The following NEXMIF variants were observed in gnomAD, a reference collection of about 807,000 sequenced individuals.
The protein encoded by NEXMIF is neurite extension and migration factor, also known as XLMR protein related to neurite extension.
In NEXMIF, 8 loss-of-function variants were observed where a neutral mutation model predicts 62.1. The ratio of observed to expected loss-of-function variants is 0.13; its 90% CI spans 0.08 to 0.23. NEXMIF has a LOEUF of 0.23. NEXMIF is among the 10% of genes least tolerant of loss of function. The pLI, the probability that NEXMIF is intolerant of heterozygous loss-of-function variation, is 1.00. For missense variants in NEXMIF, 976 were observed against 1,113.3 expected (o/e 0.88, Z 1.75); for synonymous variants, 404 against 416.6 (o/e 0.97, Z 0.37).
intron 1 of NEXMIF, among the ~76,000 whole-genome samples, chrX:74,789,067 A>T (rs2080269528): frequency 9.3e-6 from 1 of 107,312 alleles, no homozygotes; most frequent in Non-Finnish European, 1.9e-5. Flanking sequence ...ATGCTGGTGC[A>T]CTGCACCCAC....
chrX:74,884,756 G>A (rs1247219657), intron 1 of NEXMIF, among the ~76,000 whole-genome samples: 2 of 111,380 alleles, frequency 1.8e-5, no homozygotes, highest in Non-Finnish European at 3.8e-5. Flanking sequence ...GAGTTAACAA[G>A]GATATCCAGG....
intron 1 of NEXMIF, among the ~76,000 whole-genome samples, chrX:74,794,405 T>G (rs1352457305): frequency 1.8e-5 from 2 of 108,578 alleles, no homozygotes; most frequent in Admixed American, 9.8e-5. Context: ...CATTTAAGTC[T>G]GCAGAGGTTA....
intron 1 of NEXMIF, among the ~76,000 whole-genome samples, chrX:74,880,561 A>G (rs1228113238): frequency 8.9e-6 from 1 of 112,160 alleles, no homozygotes; most frequent in African/African-American, 3.2e-5. Context: ...TAGGGCCACA[A>G]TGAATGCAAG....
At chrX:74,853,145 G>A (rs1486906405) in intron 1 of NEXMIF, among the ~76,000 whole-genome samples, 4 of 110,076 alleles carry the variant, frequency 3.6e-5, no homozygotes, top group Admixed American at 9.7e-5. Flanking sequence ...ATTTAGGAGC[G>A]GAAAGTTTAA....
intron 1 of NEXMIF, among the ~76,000 whole-genome samples, chrX:74,860,782 G>A (rs1462565290): frequency 9.0e-6 from 1 of 111,506 alleles, no homozygotes; most frequent in African/African-American, 3.2e-5. Flanking sequence ...AGCTATAAGT[G>A]TGTACATCAA....
At chrX:74,829,849 CT>C (rs2080430217) in intron 1 of NEXMIF, among the ~76,000 whole-genome samples, 1 of 111,637 alleles carries the variant, frequency 9.0e-6, no homozygotes, top group Non-Finnish European at 1.9e-5. Context: ...TATATTTCTT[CT>C]TTTTGGAAAT....
At chrX:74,910,280 C>T (rs1168772267) in intron 1 of NEXMIF, among the ~76,000 whole-genome samples, 2 of 112,551 alleles carry the variant, frequency 1.8e-5, no homozygotes, top group African/African-American at 6.5e-5. Context: ...TGGGAACCTA[C>T]CTCTTGCATC....
chrX:74,835,223 A>C (rs1300236945), intron 1 of NEXMIF, among the ~76,000 whole-genome samples: 1 of 111,426 alleles, frequency 9.0e-6, no homozygotes, highest in Non-Finnish European at 1.9e-5. Context: ...GTTACCTTGA[A>C]TTTCTTTAAG....
At chrX:74,813,631 GC>G (rs1307264174) in intron 1 of NEXMIF, among the ~76,000 whole-genome samples, 1 of 112,268 alleles carries the variant, frequency 8.9e-6, no homozygotes, top group Non-Finnish European at 1.9e-5. Context: ...TGAGCTAGTA[GC>G]TACAACAGAA....
intron 1 of NEXMIF, among the ~76,000 whole-genome samples, chrX:74,756,908 G>T (rs2080161113): frequency 9.0e-6 from 1 of 111,657 alleles, no homozygotes; most frequent in Admixed American, 9.6e-5. Context: ...AGCTCTGCAG[G>T]ACTCCTCCCA....
At chrX:74,851,486 T>A (rs2080513325) in intron 1 of NEXMIF, among the ~76,000 whole-genome samples, 1 of 110,503 alleles carries the variant, frequency 9.0e-6, no homozygotes, top group African/African-American at 3.3e-5. Context: ...GAGAAAAGCA[T>A]CTAGCCACTT....
chrX:74,835,439 G>T (rs1050560233), intron 1 of NEXMIF, among the ~76,000 whole-genome samples: 1 of 111,648 alleles, frequency 9.0e-6, no homozygotes, highest in African/African-American at 3.3e-5. Context: ...ATTTGCTTCT[G>T]CCTTTCTTGA....
intron 1 of NEXMIF, among the ~76,000 whole-genome samples, chrX:74,836,674 C>A (rs1178677838): frequency 9.0e-6 from 1 of 111,576 alleles, no homozygotes; most frequent in Non-Finnish European, 1.9e-5. Flanking sequence ...AAGACGAAGT[C>A]CTCTTTCATC....
At chrX:74,832,030 C>G (rs1218630187) in intron 1 of NEXMIF, among the ~76,000 whole-genome samples, 1 of 112,069 alleles carries the variant, frequency 8.9e-6, no homozygotes, top group East Asian at 2.8e-4. Flanking sequence ...TTAATGAGGA[C>G]TTTTACAGCA....
intron 1 of NEXMIF, among the ~76,000 whole-genome samples, chrX:74,775,658 C>T (rs1345771346): frequency 2.7e-5 from 3 of 111,427 alleles, no homozygotes; most frequent in Non-Finnish European, 5.7e-5. Flanking sequence ...GTTAACATGA[C>T]AAAGTTTGCT....
At chrX:74,817,041 C>T (rs1054848507) in intron 1 of NEXMIF, among the ~76,000 whole-genome samples, 5 of 111,674 alleles carry the variant, frequency 4.5e-5, no homozygotes, top group Non-Finnish European at 9.4e-5. Context: ...ATTTTGTCTT[C>T]GTTTGCACTA....
chrX:74,814,921 G>T (rs775373514), intron 1 of NEXMIF, among the ~76,000 whole-genome samples: 1 of 111,683 alleles, frequency 9.0e-6, no homozygotes, highest in East Asian at 2.8e-4. Flanking sequence ...ATTCCAGACA[G>T]ACCCCCCAGA....
intron 1 of NEXMIF, among the ~76,000 whole-genome samples, chrX:74,788,952 TTTTATTTA>T (rs770694672): frequency 2.7e-5 from 3 of 110,760 alleles, no homozygotes; most frequent in Non-Finnish European, 3.8e-5. Context: ...ATTGATATTC[TTTTATTTA>T]TTTATTTATT....
At chrX:74,825,426 C>G (rs2080412376) in intron 1 of NEXMIF, among the ~76,000 whole-genome samples, 1 of 110,758 alleles carries the variant, frequency 9.0e-6, no homozygotes, top group Non-Finnish European at 1.9e-5. Context: ...TGTTGTTCCT[C>G]TTTGTGCCCA....
Sources: gnomAD v4.1 joint callset for allele counts (sites outside exome capture counted in the v4.1 genomes callset) on GRCh38, gnomAD v4.1.1 for gene constraint, MANE v1.5 for transcripts, NCBI Gene and HGNC (gene_info 2026-07-23, HGNC 2026-07-21) for gene names.